ADGRE1: variants seen among roughly 807,000 people sequenced by gnomAD.
ADGRE1 encodes adhesion G protein-coupled receptor E1, also known as EGF-like module receptor 1.
A neutral mutation model predicts 102.7 loss-of-function variants in ADGRE1; 82 were observed. The observed-to-expected ratio is 0.80, with a 90% confidence interval of 0.67 to 0.96. The LOEUF (loss-of-function observed/expected upper bound fraction) is 0.96. ADGRE1 is among the 40% of genes least tolerant of loss of function. ADGRE1 has a pLI of 0.00. For missense variants in ADGRE1, 1,032 were observed against 1,085.3 expected (o/e 0.95, Z 0.69); for synonymous variants, 398 against 399.6 (o/e 1.00, Z 0.05).
At chr19:6,920,516 CTT>C (rs3053967) in intron 13 of ADGRE1, among the ~76,000 whole-genome samples, 14 of 75,748 alleles carry the variant, frequency 1.8e-4, no homozygotes, top group Admixed American at 4.2e-4. Context: ...ACCATGCCCG[CTT>C]TTTTTTTTTT....
At chr19:6,932,250 C>T (rs369604316) in intron 17 of ADGRE1, among the ~76,000 whole-genome samples, 8 of 151,956 alleles carry the variant, frequency 5.3e-5, no homozygotes, top group African/African-American at 1.9e-4. Flanking sequence ...AGGCGGATCA[C>T]GAGGTCAGGA....
Position 6,905,842 on chromosome 19 carries a change from A to G in ADGRE1, c.950-591A>G, listed in dbSNP as rs573913890. Among the ~76,000 whole-genome samples, 30 of 152,328 alleles carry G rather than the reference A, an allele frequency of 2.0e-4. No homozygotes were observed. In the South Asian group the frequency reaches 5.0e-3, roughly 25 times the overall value. On this transcript the variant is annotated intron_variant, in intron 8 of 20. Coordinates refer to ENST00000312053, the MANE Select transcript of ADGRE1 (RefSeq NM_001974.5). Reference sequence around the variant, plus strand: ...TGTATTTCCAAATATAATAAAGATAATATCATCAATGTCGCTGGTTCTCCT... The same window carrying G: ...TGTATTTCCAAATATAATAAAGATAGTATCATCAATGTCGCTGGTTCTCCT...
Position 6,928,135 on chromosome 19 carries a change from C to G in ADGRE1, c.2223-10C>G, listed in dbSNP as rs1568361564. On this transcript the variant is annotated splice_polypyrimidine_tract_variant and intron_variant, in intron 16 of 20. Transcript: ENST00000312053. The stretch of plus-strand genomic sequence containing the variant: ...AGACAAGCGCTGACTCCTCCTATTT[C>G]TCTCCACAGCTGCTGGCTGAATACA... The G allele has an allele frequency of 1.2e-6, 2 of 1,612,482 alleles. No individual in the cohort carries two copies.
chr19:6,896,225 G>A, intron 2 of ADGRE1, 173 bp from the exon 3 acceptor site: 1 of 609,058 alleles, frequency 1.6e-6, no homozygotes, highest in South Asian at 2.5e-5. Context: ...CAAAGACCCA[G>A]TTTCCAAATA....
intron 17 of ADGRE1, among the ~76,000 whole-genome samples, chr19:6,931,379 G>A (rs1038131666): frequency 1.2e-4 from 19 of 152,288 alleles, no homozygotes; most frequent in African/African-American, 4.1e-4. Flanking sequence ...TAGAACAACA[G>A]AGACTTGTTG....
chr19:6,913,912 T>C, intron 11 of ADGRE1, 82 bp downstream of exon 11: 1 of 1,380,460 alleles, frequency 7.2e-7, no homozygotes, highest in Non-Finnish European at 9.8e-7. Flanking sequence ...TTCCCTGGGT[T>C]TCCCACCCAT....
chr19:6,908,871 C>A, intron 10 of ADGRE1, 99 bp downstream of exon 10: 2 of 1,097,296 alleles, frequency 1.8e-6, no homozygotes, highest in Non-Finnish European at 2.6e-6. Flanking sequence ...TGGTGGCTCA[C>A]ACCCATAATC....
chr19:6,938,596 G>A (rs1418603925), intron 20 of ADGRE1, among the ~76,000 whole-genome samples: 4 of 151,256 alleles, frequency 2.6e-5, no homozygotes, highest in African/African-American at 9.7e-5. Flanking sequence ...TAATTCAATA[G>A]CTTAGTTTCC....
At chr19:6,902,184 A>G (rs907974566) in intron 6 of ADGRE1, among the ~76,000 whole-genome samples, 163 bp downstream of exon 6, 2 of 152,210 alleles carry the variant, frequency 1.3e-5, no homozygotes, top group Non-Finnish European at 1.5e-5. Context: ...GAGCACTTAC[A>G]GTATACGTGG....
chr19:6,927,069 T>G (rs10420766), intron 16 of ADGRE1, among the ~76,000 whole-genome samples: 82,822 of 150,354 alleles, frequency 0.55, 25,429 homozygotes, highest in African/African-American at 0.83. Flanking sequence ...CAGAAAAAAG[T>G]GGGGGGAATA....
chr19:6,887,958 G>A (rs1973209166), intron 1 of ADGRE1, among the ~76,000 whole-genome samples: 1 of 152,196 alleles, frequency 6.6e-6, no homozygotes, highest in Non-Finnish European at 1.5e-5. Flanking sequence ...CTAGTGGGTA[G>A]GAGCAGACAG....
chr19:6,909,913 T>C (rs1974108066), intron 10 of ADGRE1, among the ~76,000 whole-genome samples: 1 of 152,084 alleles, frequency 6.6e-6, no homozygotes. Context: ...TTTGTATTTT[T>C]AGTAGAGACG....
At chr19:6,920,032 G>C (rs900669311) in intron 13 of ADGRE1, among the ~76,000 whole-genome samples, 3 of 152,172 alleles carry the variant, frequency 2.0e-5, no homozygotes, top group African/African-American at 7.2e-5. Context: ...CAAGCAAGGA[G>C]ACAAGAGTCT....
rs769310968 is a variant in ADGRE1 at position 6,926,620 on chromosome 19, C to T, written c.2222+19C>T. ...ATAATCGGTGAGTGACATCCTCTCT[C>T]TTCCTGAAGACCCTGCTGCCAGGGC... On this transcript the variant is annotated intron_variant, in intron 16 of 20. Coordinates refer to ENST00000312053, the MANE Select transcript of ADGRE1 (RefSeq NM_001974.5). 104 of 1,612,256 alleles carry T rather than the reference C, an allele frequency of 6.5e-5. No individual in the cohort carries two copies. The highest frequency in any genetic ancestry group is 8.4e-5 in the Non-Finnish European group (99 of 1,178,438).
rs369502576 is a variant in ADGRE1, at chr19:6,937,456, C to T, written c.2550+45C>T. The stretch of plus-strand genomic sequence containing the variant: ...CCCATCCCCCTCCTCCCATCCCCCT[C>T]TCCCCCCTTCCCCACCGCATCCCTC... On this transcript the variant is annotated intron_variant, in intron 19 of 20. Transcript: ENST00000312053. The T allele has an allele frequency of 1.4e-5, 22 of 1,573,256 alleles. No individual in the cohort carries two copies. The African/African-American group carries it at 2.3e-4, about 17-fold the overall frequency.
chr19:6,933,179 C>T (rs1975237910), intron 17 of ADGRE1, among the ~76,000 whole-genome samples: 2 of 152,114 alleles, frequency 1.3e-5, no homozygotes, highest in African/African-American at 4.8e-5. Context: ...CGAGGTTGCG[C>T]CATTGCACTC....
chr19:6,897,655 G>T, intron 5 of ADGRE1, 108 bp downstream of exon 5: 1 of 1,251,568 alleles, frequency 8.0e-7, no homozygotes, highest in Admixed American at 2.9e-5. Flanking sequence ...AAGAAAATTG[G>T]GGCTCAGAGA....
intron 17 of ADGRE1, among the ~76,000 whole-genome samples, chr19:6,929,669 C>T (rs975732263): frequency 4.6e-5 from 7 of 151,822 alleles, no homozygotes; most frequent in Admixed American, 2.6e-4. Flanking sequence ...ATTACAGGCA[C>T]GCACCACCAC....
intron 16 of ADGRE1, among the ~76,000 whole-genome samples, chr19:6,927,651 ATTTAT>A (rs1228396390): frequency 6.6e-6 from 1 of 151,816 alleles, no homozygotes; most frequent in Non-Finnish European, 1.5e-5. Flanking sequence ...TTATTTATTT[ATTTAT>A]TTATTTGTTA....
Sources: gnomAD v4.1 joint callset for allele counts (sites outside exome capture counted in the v4.1 genomes callset) on GRCh38, gnomAD v4.1.1 for gene constraint, MANE v1.5 for transcripts, NCBI Gene and HGNC (gene_info 2026-07-23, HGNC 2026-07-21) for gene names.